The following NAALADL2 variants were observed in gnomAD, a reference collection of about 807,000 sequenced individuals.
NAALADL2 encodes inactive N-acetylated-alpha-linked acidic dipeptidase-like protein 2.
Under a neutral mutation model 87.2 loss-of-function variants are expected in NAALADL2, and 76 were observed. The ratio of observed to expected loss-of-function variants is 0.87; its 90% CI spans 0.72 to 1.05. The LOEUF is 1.05. NAALADL2 is among the 50% of genes least tolerant of loss of function. The pLI is 0.00. For synonymous variants in NAALADL2, 354 were observed against 331.0 expected (o/e 1.07, Z -0.75); for missense variants, 1,089 against 945.8 (o/e 1.15, Z -1.99).
At chr3:175,413,089 C>T (rs1713891467) in intron 5 of NAALADL2, among the ~76,000 whole-genome samples, 1 of 145,210 alleles carries the variant, frequency 6.9e-6, no homozygotes, top group Admixed American at 6.8e-5. Context: ...TGGGGTTTCA[C>T]CGTGTTAGGC....
At chr3:174,739,419 T>C (rs958751535) in intron 3 of NAALADL2, among the ~76,000 whole-genome samples, 9 of 152,112 alleles carry the variant, frequency 5.9e-5, no homozygotes, top group Non-Finnish European at 1.0e-4. Flanking sequence ...ATTTTAATGA[T>C]AAAGAGAGAA....
intron 1 of NAALADL2, among the ~76,000 whole-genome samples, chr3:174,948,581 C>G (rs1447392453): frequency 2.6e-5 from 4 of 152,190 alleles, no homozygotes; most frequent in African/African-American, 9.7e-5. Context: ...CTTCCTAAAA[C>G]TGAGTGTCAC....
chr3:175,590,924 G>GTGCTTA (rs1721357034), intron 10 of NAALADL2, among the ~76,000 whole-genome samples: 3 of 152,070 alleles, frequency 2.0e-5, no homozygotes, highest in Admixed American at 6.5e-5. Context: ...GGGATGAAGG[G>GTGCTTA]GGGTGCGAAT....
At chr3:175,552,375 T>C (rs1007477561) in intron 9 of NAALADL2, among the ~76,000 whole-genome samples, 4 of 152,194 alleles carry the variant, frequency 2.6e-5, no homozygotes, top group African/African-American at 9.6e-5. Flanking sequence ...AATAGAGTAT[T>C]AAATTTTGCA....
At chr3:175,654,363 GT>G (rs1375050341) in intron 11 of NAALADL2, among the ~76,000 whole-genome samples, 2 of 152,058 alleles carry the variant, frequency 1.3e-5, no homozygotes, top group Non-Finnish European at 2.9e-5. Flanking sequence ...CTGCCTCTTG[GT>G]TGGCAGAAGC....
intron 9 of NAALADL2, among the ~76,000 whole-genome samples, chr3:175,571,383 C>T (rs1056250048): frequency 4.6e-5 from 7 of 152,072 alleles, no homozygotes; most frequent in African/African-American, 1.7e-4. Context: ...ATTTTGAACT[C>T]CTTGGATGAA....
At chr3:175,391,870 T>C (rs1367598294) in intron 5 of NAALADL2, among the ~76,000 whole-genome samples, 2 of 152,120 alleles carry the variant, frequency 1.3e-5, no homozygotes, top group African/African-American at 2.4e-5. Context: ...CAATGAATAT[T>C]TCTCAGATTA....
At chr3:174,834,971 A>T (rs565565256) in intron 3 of NAALADL2, among the ~76,000 whole-genome samples, 1 of 151,916 alleles carries the variant, frequency 6.6e-6, no homozygotes, top group Admixed American at 6.6e-5. Flanking sequence ...AATTTCTAGG[A>T]TAGTCCAAAA....
rs535107455 is a variant in NAALADL2 at position 174,589,490 on chromosome 3, C to T, written c.-115+38853C>T. On this transcript the variant is annotated intron_variant, in intron 2 of 3. Coordinates refer to the NAALADL2 transcript ENST00000434257. ...GCTGTAGACTGGAGCTGTTCCTATT[C>T]GGCCATCTTAGAACCAAGTCTGAGT... Among the ~76,000 whole-genome samples the T allele has an allele frequency of 6.5e-4, 99 of 152,300 alleles. 1 individual carries two copies. The highest frequency in any genetic ancestry group is 5.8e-3 in the Admixed American group (88 of 15,298).
chr3:175,236,286 G>C (rs1745842778), intron 3 of NAALADL2, among the ~76,000 whole-genome samples: 1 of 151,992 alleles, frequency 6.6e-6, no homozygotes, highest in African/African-American at 2.4e-5. Flanking sequence ...CTTTGGGGAG[G>C]CCGTAATCCC....
chr3:175,804,540 T>C lies in NAALADL2; in HGVS notation c.*1337T>C, dbSNP rs900064984. The C allele has an allele frequency of 5.9e-5, 9 of 151,866 alleles. No individual in the cohort carries two copies. The highest frequency in any genetic ancestry group is 2.2e-4 in the African/African-American group (9 of 41,414). 9.4% of individuals were successfully genotyped at this position (151,866 alleles called of 1,614,324 possible). ...AAATTTATGTGAAAAATGGTTTTCC[T>C]ATACTGGATAAAGCAATTCCCCTTA... On this transcript the variant is annotated 3_prime_UTR_variant, in exon 14 of 14. Transcript: ENST00000454872.
intron 9 of NAALADL2, among the ~76,000 whole-genome samples, chr3:175,493,663 T>C (rs1349248879): frequency 6.6e-6 from 1 of 152,146 alleles, no homozygotes; most frequent in Non-Finnish European, 1.5e-5. Flanking sequence ...GCATTTCCCT[T>C]ACCAAACATT....
chr3:175,333,897 G>A (rs541673284), intron 5 of NAALADL2, among the ~76,000 whole-genome samples: 129 of 152,146 alleles, frequency 8.5e-4, no homozygotes, highest in African/African-American at 3.1e-3. Flanking sequence ...TACCCTGACT[G>A]GATCATTATA....
chr3:175,231,100 G>A (rs1744872448), intron 2 of NAALADL2, among the ~76,000 whole-genome samples: 1 of 151,760 alleles, frequency 6.6e-6, no homozygotes, highest in Admixed American at 6.6e-5. Context: ...CCATATATAA[G>A]ATACCAATTT....
At chr3:174,710,659 A>T (rs1315787761) in intron 2 of NAALADL2, among the ~76,000 whole-genome samples, 2 of 152,098 alleles carry the variant, frequency 1.3e-5, no homozygotes, top group Admixed American at 6.5e-5. Flanking sequence ...TTGAAGATGG[A>T]GGGGGCCATC....
chr3:174,897,944 T>C (rs1731772744), intron 1 of NAALADL2, among the ~76,000 whole-genome samples: 1 of 140,730 alleles, frequency 7.1e-6, no homozygotes, highest in African/African-American at 3.0e-5. Context: ...AAACCCCGTC[T>C]CTACTAAAAA....
At chr3:174,487,074 G>A (rs1162842833) in intron 1 of NAALADL2, among the ~76,000 whole-genome samples, 1 of 151,904 alleles carries the variant, frequency 6.6e-6, no homozygotes, top group Non-Finnish European at 1.5e-5. Flanking sequence ...ATGCTTAGAC[G>A]ATGGAAGCTG....
chr3:174,780,458 A>G (rs893078588), intron 3 of NAALADL2, among the ~76,000 whole-genome samples: 1 of 152,132 alleles, frequency 6.6e-6, no homozygotes, highest in Admixed American at 6.6e-5. Context: ...TCTCTTCTAT[A>G]TGAATACCCT....
intron 3 of NAALADL2, among the ~76,000 whole-genome samples, chr3:175,243,084 C>G (rs899168796): frequency 1.4e-4 from 21 of 151,528 alleles, no homozygotes; most frequent in African/African-American, 4.4e-4. Flanking sequence ...CACACACACA[C>G]ACACACACAC....
Sources: gnomAD v4.1 joint callset for allele counts (sites outside exome capture counted in the v4.1 genomes callset) on GRCh38, gnomAD v4.1.1 for gene constraint, MANE v1.5 for transcripts, NCBI Gene and HGNC (gene_info 2026-07-23, HGNC 2026-07-21) for gene names.